The following CEP135 variants were observed in gnomAD, a reference collection of about 807,000 sequenced individuals.
CEP135 encodes centrosomal protein 135, also known as centrosomal protein of 135 kDa.
A neutral mutation model predicts 157.3 loss-of-function variants in CEP135; 142 were observed. That is an observed-to-expected ratio of 0.90 (90% CI 0.79 to 1.04). The LOEUF (loss-of-function observed/expected upper bound fraction) is 1.04, where lower values mean the gene tolerates loss of function less well. CEP135 is among the 50% of genes least tolerant of loss of function. The pLI is 0.00. For missense variants in CEP135, 1,317 were observed against 1,309.2 expected (o/e 1.01, Z -0.09); for synonymous variants, 396 against 439.8 (o/e 0.90, Z 1.25).
rs1446749510 is a variant in CEP135 at position 55,954,356 on chromosome 4, A to G, written c.445A>G (p.Asn149Asp). ...AAGAATTCAACAACTTCAAGAAAAGAATTTGCATGCTGTAGTACAAACTCC... is the reference window on the plus strand; with the variant it reads ...AAGAATTCAACAACTTCAAGAAAAGGATTTGCATGCTGTAGTACAAACTCC... ...NERIQQLQEK[N>D]LHAVVQTPGG... The change falls in exon 4 of 26, where the codon AAT (asparagine) becomes GAT (aspartate). Residue 149 changes from asparagine (N) to aspartate (D), a missense_variant. Transcript: ENST00000257287. 1.1e-5 allele frequency: 18 copies of G among 1,605,718 alleles called. No homozygotes were observed. Among genetic ancestry groups the G allele is most frequent in the Non-Finnish European group, 1.4e-5 (16 of 1,177,582 alleles).
rs1337627701 is a variant in CEP135, at chr4:56,032,124, A to ATC, written c.*777_*778insCT. ...TCTAGGAAATAAAATTCCTCGGTGT[A>ATC]TTAATCTAAGGTTTCAAAGTATAAA... On this transcript the variant is annotated 3_prime_UTR_variant, in exon 26 of 26. Transcript: ENST00000257287. The ATC allele has an allele frequency of 6.6e-6, 1 of 152,220 alleles. No individual in the cohort carries two copies. Among genetic ancestry groups the ATC allele is most frequent in the African/African-American group, 2.4e-5 (1 of 41,450 alleles). The allele number at this position is 152,220 out of a possible 1,614,324, so 9.4% of individuals were successfully genotyped here.
intron 10 of CEP135, 35 bp downstream of exon 10, chr4:55,971,443 T>C: frequency 6.4e-7 from 1 of 1,561,876 alleles, no homozygotes; most frequent in Non-Finnish European, 8.6e-7. Context: ...AAAGAATGAT[T>C]GTGATTTCCT....
At position 55,976,979 on chromosome 4, in the gene CEP135, T is replaced by G. The variant is rs549273918; in HGVS notation, c.1473+2010T>G. ...CATGTGCTACCATGCCTGGCTTTTTTTTTTTTTGTTTTTTGTATTTTTTGT... is the reference window on the plus strand; with the variant it reads ...CATGTGCTACCATGCCTGGCTTTTTGTTTTTTTGTTTTTTGTATTTTTTGT... On this transcript the variant is annotated intron_variant, in intron 11 of 25. Coordinates refer to ENST00000257287, the MANE Select transcript of CEP135 (RefSeq NM_025009.5). Among the ~76,000 whole-genome samples the G allele has an allele frequency of 2.9e-3, 437 of 152,050 alleles. 3 individuals are homozygous for G. Among genetic ancestry groups the G allele is most frequent in the African/African-American group, 0.01 (422 of 41,434 alleles).
intron 14 of CEP135, 26 bp from the exon 15 acceptor site, chr4:55,991,908 C>G (rs1174174003): frequency 8.2e-7 from 1 of 1,217,088 alleles, no homozygotes; most frequent in East Asian, 2.6e-5. Flanking sequence ...AGATATATAC[C>G]TACTGTTTTT....
chr4:55,973,476 T>G (rs191034652), intron 10 of CEP135, among the ~76,000 whole-genome samples: 1 of 152,306 alleles, frequency 6.6e-6, no homozygotes, highest in Admixed American at 6.5e-5. Context: ...TGGCCTCAGA[T>G]TAAAAACGTG....
intron 11 of CEP135, among the ~76,000 whole-genome samples, chr4:55,978,255 C>T (rs1261242570): frequency 2.0e-5 from 3 of 152,154 alleles, no homozygotes; most frequent in Admixed American, 6.5e-5. Context: ...CAGGTTCCTA[C>T]TGTGGCCCTC....
rs1180309880 is a variant in CEP135, at chr4:55,992,002, G to A, written c.1926G>A (p.Glu642=). ...TGAAAGAAACAATAGAGTCGTTAGA[G>A]AACAAATTAAAAGTCCAAGCTCAAA... The part of the protein sequence containing the change: ...LIMKETIESL[E]NKLKVQAQKF... Residue 642 remains glutamate, a synonymous_variant, in exon 15 of 26, where the codon GAG becomes GAA. Coordinates refer to ENST00000257287, the MANE Select transcript of CEP135 (RefSeq NM_025009.5). The A allele has an allele frequency of 6.9e-6, 11 of 1,600,610 alleles. No homozygotes were observed. The highest frequency in any genetic ancestry group is 2.2e-5 in the East Asian group (1 of 44,622).
intron 12 of CEP135, among the ~76,000 whole-genome samples, chr4:55,980,918 A>T (rs891307727): frequency 6.6e-6 from 1 of 152,138 alleles, no homozygotes; most frequent in Non-Finnish European, 1.5e-5. Flanking sequence ...TCTGCAGTGT[A>T]AATTGATCCA....
intron 5 of CEP135, among the ~76,000 whole-genome samples, chr4:55,958,731 T>C (rs941831030): frequency 1.3e-5 from 2 of 152,078 alleles, no homozygotes; most frequent in Non-Finnish European, 2.9e-5. Context: ...CCAGTTAACA[T>C]CAGGTACAAG....
At chr4:56,003,037 C>T (rs904962751) in intron 17 of CEP135, among the ~76,000 whole-genome samples, 3 of 151,958 alleles carry the variant, frequency 2.0e-5, no homozygotes, top group African/African-American at 7.2e-5. Flanking sequence ...TTTCATGATT[C>T]CTTGTATTTT....
intron 2 of CEP135, 149 bp downstream of exon 2, chr4:55,952,392 C>G (rs1728384052): frequency 8.7e-6 from 5 of 576,640 alleles, no homozygotes; most frequent in Non-Finnish European, 1.6e-5. Context: ...TGTCCTCAAT[C>G]CAGGCCTTCC....
chr4:55,965,368 G>T lies in CEP135; in HGVS notation c.829-276G>T, dbSNP rs1018531712. 1.3e-5 allele frequency: 4 copies of T among 297,172 alleles called. No individual in the cohort carries two copies. The Admixed American group carries it at 1.5e-4, about 11-fold the overall frequency. The allele number at this position is 297,172 out of a possible 1,614,324, so 18.4% of individuals were successfully genotyped here. On this transcript the variant is annotated intron_variant, in intron 7 of 25. Transcript: ENST00000257287. The stretch of plus-strand genomic sequence containing the variant: ...GAACAACACAGTCTATTATCATCTT[G>T]ATATTCTTGTTGTATAGAACTCTGT...
chr4:56,011,455 A>G lies in CEP135; in HGVS notation c.2549A>G (p.Glu850Gly), dbSNP rs1322712386. 6.2e-7 allele frequency: 1 copy of G among 1,612,804 alleles called. No individual in the cohort carries two copies. The highest frequency in any genetic ancestry group is 1.7e-5 in the Admixed American group (1 of 59,808). Residue 850 changes from glutamate (E) to glycine (G), a missense_variant, in exon 20 of 26, where the codon GAA (glutamate) becomes GGA (glycine). Coordinates refer to ENST00000257287, the MANE Select transcript of CEP135 (RefSeq NM_025009.5). ...GAAGCAGCAGTGCAAGAAAAAGAAG[A>G]AATGAAGAGCAGAGTTCATAAATAC... Reference protein sequence around the residue: ...ELEAAVQEKEEMKSRVHKYIT... With the variant: ...ELEAAVQEKEGMKSRVHKYIT...
At chr4:56,011,714 C>T in intron 20 of CEP135, 86 bp from the exon 21 acceptor site, 1 of 1,119,988 alleles carries the variant, frequency 8.9e-7, no homozygotes, top group Non-Finnish European at 1.3e-6. Flanking sequence ...GAACAGAATG[C>T]TGTGTATGTG....
chr4:55,950,378 T>G (rs191340071), intron 1 of CEP135, among the ~76,000 whole-genome samples: 265 of 152,342 alleles, frequency 1.7e-3, no homozygotes, highest in Middle Eastern at 6.8e-3. Context: ...ATGCATTTTT[T>G]ATATATTGTG....
At position 56,024,590 on chromosome 4, in the gene CEP135, A is replaced by G. The variant is rs983372641; in HGVS notation, c.3410A>G (p.His1137Arg). 4 of 1,611,096 alleles carry G rather than the reference A, an allele frequency of 2.5e-6. No individual in the cohort carries two copies. The highest frequency in any genetic ancestry group is 1.1e-5 in the South Asian group (1 of 90,970). ...TLRSPSHSPE[H>R]RNV is the part of the protein sequence containing the mutation. ...AGGTCTCCTTCACATTCTCCTGAAC[A>G]TAGAAATGTGTAATTATCAGAAAGG... The change falls in exon 25 of 26, where the codon CAT becomes CGT. Residue 1137 changes from histidine (H) to arginine (R), a missense_variant. By Grantham distance (29) the His-to-Arg change is conservative (BLOSUM62 0). Coordinates refer to ENST00000257287, the MANE Select transcript of CEP135 (RefSeq NM_025009.5).
At position 55,965,715 on chromosome 4, in the gene CEP135, A is replaced by G. The variant is rs778866426; in HGVS notation, c.900A>G (p.Thr300=). The change falls in exon 8 of 26, where the codon ACA becomes ACG. Residue 300 remains threonine (T), a synonymous_variant. Transcript: ENST00000257287. ...GAGAGCTTATGGAAACCAAGGAAAC[A>G]GTGACATCTGAAGTCGTTAATTTAA... The part of the protein sequence containing the change: ...RIRELMETKE[T]VTSEVVNLSN... 138 of 1,613,890 alleles carry G rather than the reference A, an allele frequency of 8.6e-5. No individual in the cohort carries two copies. The highest frequency in any genetic ancestry group is 1.2e-4 in the Non-Finnish European group (136 of 1,179,940).
Position 55,974,902 on chromosome 4 carries a change from A to G in CEP135, c.1406A>G (p.Gln469Arg). 1.2e-6 allele frequency: 2 copies of G among 1,613,450 alleles called. No homozygotes were observed. The highest frequency in any genetic ancestry group is 1.7e-5 in the Admixed American group (1 of 59,986). Residue 469 changes from glutamine to arginine, a missense_variant, in exon 11 of 26, where the codon CAG (glutamine) becomes CGG (arginine). Physicochemically the swap from Gln to Arg is conservative, Grantham distance 43. Coordinates refer to ENST00000257287, the MANE Select transcript of CEP135 (RefSeq NM_025009.5). ...KELERLQHIIQRRSCSTSYSA... is the reference protein window; with the variant it reads ...KELERLQHIIRRRSCSTSYSA... ...CTAGAGAGACTCCAACATATAATACAGCGAAGATCTTGCTCTACAAGTTAT... is the reference window on the plus strand; with the variant it reads ...CTAGAGAGACTCCAACATATAATACGGCGAAGATCTTGCTCTACAAGTTAT...
chr4:55,993,162 G>C (rs771502256), intron 15 of CEP135, among the ~76,000 whole-genome samples: 5 of 152,018 alleles, frequency 3.3e-5, no homozygotes, highest in Non-Finnish European at 7.4e-5. Flanking sequence ...AAACTGAGTT[G>C]GTGAAATAGA....
Sources: gnomAD v4.1 joint callset for allele counts (sites outside exome capture counted in the v4.1 genomes callset) on GRCh38, gnomAD v4.1.1 for gene constraint, MANE v1.5 for transcripts, NCBI Gene and HGNC (gene_info 2026-07-23, HGNC 2026-07-21) for gene names.